Variants in MITF observed in about 807,000 individuals in gnomAD.
MITF encodes melanocyte inducing transcription factor.
In MITF, 17 loss-of-function variants were observed where a neutral mutation model predicts 60.5. The observed-to-expected ratio is 0.28, with a 90% CI of 0.19 to 0.42. The LOEUF (loss-of-function observed/expected upper bound fraction) is 0.42. MITF is among the 10% of genes least tolerant of loss of function. The probability of loss-of-function intolerance (pLI) is 1.00; values close to 1 mark genes in which losing one functional copy is unlikely to be tolerated. For missense variants in MITF, 622 were observed against 683.5 expected (o/e 0.91, Z 1.00); for synonymous variants, 260 against 248.5 (o/e 1.05, Z -0.43).
chr3:69,763,991 G>C, intron 1 of MITF: 1 of 1,279,836 alleles, frequency 7.8e-7, no homozygotes, highest in Middle Eastern at 2.1e-4. Flanking sequence ...TTCTTATATA[G>C]CATGTTTTTT....
chr3:69,866,293 G>A, intron 1 of MITF: 1 of 1,613,670 alleles, frequency 6.2e-7, no homozygotes, highest in Non-Finnish European at 8.5e-7. Context: ...GAAAAAAGAT[G>A]GAGGCGCTTA....
chr3:69,870,354 A>ATG (rs1268326615), intron 1 of MITF, among the ~76,000 whole-genome samples: 8 of 148,692 alleles, frequency 5.4e-5, no homozygotes, highest in African/African-American at 1.2e-4. Context: ...GTATATATGT[A>ATG]TGTGTGTGTA....
At chr3:69,795,769 T>G (rs2062817221) in intron 1 of MITF, among the ~76,000 whole-genome samples, 1 of 152,024 alleles carries the variant, frequency 6.6e-6, no homozygotes, top group Admixed American at 6.6e-5. Context: ...AACATGCAAA[T>G]ATTTTCAAAA....
chr3:69,862,955 T>C (rs2064042787), intron 1 of MITF, among the ~76,000 whole-genome samples: 1 of 152,132 alleles, frequency 6.6e-6, no homozygotes, highest in African/African-American at 2.4e-5. Context: ...GTGTTTAAAC[T>C]TAGGATTTGG....
intron 2 of MITF, among the ~76,000 whole-genome samples, chr3:69,913,369 A>G (rs943958566): frequency 3.3e-5 from 5 of 152,124 alleles, no homozygotes; most frequent in Non-Finnish European, 7.4e-5. Flanking sequence ...TGACACTTCC[A>G]CCTAAAGATA....
intron 1 of MITF, among the ~76,000 whole-genome samples, chr3:69,869,451 T>G (rs1464118544): frequency 6.6e-6 from 1 of 152,184 alleles, no homozygotes; most frequent in Admixed American, 6.5e-5. Flanking sequence ...ATTCTGATAC[T>G]CAGCCATGTT....
chr3:69,850,406 GA>G (rs2063805094), intron 1 of MITF, among the ~76,000 whole-genome samples: 1 of 152,176 alleles, frequency 6.6e-6, no homozygotes, highest in Non-Finnish European at 1.5e-5. Context: ...ATTAAAGGTA[GA>G]AGGTTGTTAT....
At chr3:69,897,283 G>T (rs1335726998) in intron 2 of MITF, among the ~76,000 whole-genome samples, 1 of 152,146 alleles carries the variant, frequency 6.6e-6, no homozygotes, top group African/African-American at 2.4e-5. Context: ...AAATGATTTG[G>T]GGAATGAGTG....
chr3:69,750,290 T>C (rs1382569632), intron 1 of MITF, among the ~76,000 whole-genome samples: 1 of 152,086 alleles, frequency 6.6e-6, no homozygotes, highest in Admixed American at 6.6e-5. Context: ...GGGTGCACAT[T>C]GTTCAAAGTG....
intron 8 of MITF, among the ~76,000 whole-genome samples, chr3:69,957,899 T>C (rs144621477): frequency 6.6e-6 from 1 of 152,338 alleles, no homozygotes; most frequent in East Asian, 1.9e-4. Context: ...GTTTCTAGAA[T>C]GTGCCTTGGG....
At chr3:69,955,863 C>G (rs928122686) in intron 7 of MITF, among the ~76,000 whole-genome samples, 5 of 152,070 alleles carry the variant, frequency 3.3e-5, no homozygotes, top group Admixed American at 3.3e-4. Context: ...AAAGTATATA[C>G]AACGCAAATT....
Position 69,913,438 on chromosome 3 carries a change from G to A in MITF, c.355-24384G>A, listed in dbSNP as rs1336662245. Among the ~76,000 whole-genome samples, 5 of 152,150 alleles carry A rather than the reference G, an allele frequency of 3.3e-5. No homozygotes were observed. The East Asian group carries it at 9.6e-4, about 29-fold the overall frequency. On this transcript the variant is annotated intron_variant, in intron 2 of 9. Coordinates refer to ENST00000352241, the MANE Select transcript of MITF (RefSeq NM_001354604.2). ...TTTATACCACTATTTTTCTTTAGGA[G>A]ATGAATTCTTCCTTGAGAGATCTCA...
At chr3:69,837,084 T>C (rs1246725194) in intron 1 of MITF, among the ~76,000 whole-genome samples, 2 of 152,214 alleles carry the variant, frequency 1.3e-5, no homozygotes, top group African/African-American at 2.4e-5. Flanking sequence ...TCCTTGCCAG[T>C]GTACATACAG....
rs542955693 is a variant in MITF, at chr3:69,835,224, C to T, written c.105-43910C>T. Among the ~76,000 whole-genome samples the T allele has an allele frequency of 2.6e-5, 4 of 152,046 alleles. No homozygotes were observed. In the East Asian group the frequency reaches 7.8e-4, roughly 29 times the overall value. On this transcript the variant is annotated intron_variant, in intron 1 of 9. Coordinates refer to ENST00000352241, the MANE Select transcript of MITF (RefSeq NM_001354604.2). ...GTAGAGACCGGGTGTTGCCACGTTG[C>T]CGAGACTGGTCTCAAACACCTGGGC... is the stretch of plus-strand genomic sequence containing the variant.
At chr3:69,838,660 T>G (rs2063577557) in intron 1 of MITF, 1 of 152,648 alleles carries the variant, frequency 6.6e-6, no homozygotes. Context: ...TTTCTGGTTT[T>G]AAAATATAAA....
chr3:69,877,013 C>G (rs1469646241), intron 1 of MITF, among the ~76,000 whole-genome samples: 1 of 152,176 alleles, frequency 6.6e-6, no homozygotes, highest in Non-Finnish European at 1.5e-5. Context: ...ACATTCCCTA[C>G]TAATCATTTT....
intron 1 of MITF, among the ~76,000 whole-genome samples, chr3:69,818,851 A>G (rs1337898716): frequency 6.6e-6 from 1 of 152,190 alleles, no homozygotes; most frequent in Non-Finnish European, 1.5e-5. Context: ...CTCACAAGGA[A>G]AGCAATGCTA....
At chr3:69,956,005 C>T (rs982587826) in intron 7 of MITF, among the ~76,000 whole-genome samples, 2 of 152,140 alleles carry the variant, frequency 1.3e-5, no homozygotes, top group African/African-American at 4.8e-5. Flanking sequence ...AAGTAAATAT[C>T]TGCATAATAT....
chr3:69,787,348 T>G (rs1420771503), intron 1 of MITF, among the ~76,000 whole-genome samples: 1 of 152,210 alleles, frequency 6.6e-6, no homozygotes, highest in Non-Finnish European at 1.5e-5. Context: ...TAGTTGAGAC[T>G]CATGACACAA....
Sources: allele counts gnomAD v4.1 joint callset (sites outside exome capture counted in the v4.1 genomes callset), GRCh38; gene constraint gnomAD v4.1.1; transcripts MANE v1.5; gene names NCBI Gene and HGNC (gene_info 2026-07-23, HGNC 2026-07-21).